The following MTARC2 variants were observed in gnomAD, a reference collection of about 807,000 sequenced individuals.
MTARC2 encodes mitochondrial amidoxime reducing component 2.
Under a neutral mutation model 35.6 loss-of-function variants are expected in MTARC2, and 27 were observed. That is an observed-to-expected ratio of 0.76 (90% confidence interval 0.56 to 1.04). The LOEUF (loss-of-function observed/expected upper bound fraction) is 1.04, where lower values mean the gene tolerates loss of function less well. Among genes scored for constraint, MTARC2 ranks in the 50% least tolerant of loss-of-function variants. The pLI is 0.00. For missense variants in MTARC2, 412 were observed against 432.5 expected, an observed-to-expected ratio of 0.95 and a Z score of 0.42; for synonymous variants, 158 against 167.1, an observed-to-expected ratio of 0.95 and a Z score of 0.42.
rs762525609 is a variant in MTARC2, at chr1:220,748,659, C to G, written c.128C>G (p.Ala43Gly). 3.8e-6 allele frequency: 6 copies of G among 1,564,220 alleles called. No individual in the cohort carries two copies. In the African/African-American group the frequency reaches 7.0e-5, roughly 18 times the overall value. Residue 43 changes from alanine to glycine, a missense_variant, in exon 1 of 8, where the codon GCA becomes GGA. Transcript: ENST00000366913. The part of the protein sequence containing the change: ...VALGTVAWRR[A>G]WPRRRRRLQQ... ...CTGGGGACTGTCGCCTGGCGCCGCG[C>G]ATGGCCCAGGCGGCGCCGGCGGCTG... is the stretch of plus-strand genomic sequence containing the variant.
chr1:220,757,943 A>G (rs956885718), intron 2 of MTARC2, among the ~76,000 whole-genome samples: 5 of 152,188 alleles, frequency 3.3e-5, no homozygotes, highest in African/African-American at 1.2e-4. Flanking sequence ...GACAAGGCTG[A>G]AGTGTTATGA....
intron 4 of MTARC2, among the ~76,000 whole-genome samples, chr1:220,766,207 C>T (rs994955668): frequency 2.0e-5 from 3 of 151,884 alleles, no homozygotes; most frequent in Non-Finnish European, 4.4e-5. Flanking sequence ...AATTTGGGGG[C>T]CCCTTTAAGA....
At chr1:220,757,520 AC>A (rs1467627141) in intron 2 of MTARC2, among the ~76,000 whole-genome samples, 2 of 152,210 alleles carry the variant, frequency 1.3e-5, no homozygotes, top group Admixed American at 1.3e-4. Context: ...GGCTTAAACA[AC>A]TGACATTTAT....
At chr1:220,783,586 G>A (rs544562400) in intron 7 of MTARC2, among the ~76,000 whole-genome samples, 2 of 152,356 alleles carry the variant, frequency 1.3e-5, no homozygotes, top group South Asian at 2.1e-4. Context: ...AGTGGATGGA[G>A]GCAACAAACA....
At chr1:220,771,702 G>C (rs1167401146) in intron 4 of MTARC2, among the ~76,000 whole-genome samples, 1 of 151,568 alleles carries the variant, frequency 6.6e-6, no homozygotes, top group African/African-American at 2.4e-5. Context: ...ATAGATTAAA[G>C]AAACGCATAA....
At chr1:220,760,200 G>A (rs183411330) in intron 2 of MTARC2, among the ~76,000 whole-genome samples, 3 of 152,282 alleles carry the variant, frequency 2.0e-5, no homozygotes, top group South Asian at 4.2e-4. Context: ...CCCTTGGAGG[G>A]AAAAACATAC....
At chr1:220,749,727 A>G (rs778619490) in intron 1 of MTARC2, among the ~76,000 whole-genome samples, 1 of 152,202 alleles carries the variant, frequency 6.6e-6, no homozygotes, top group Non-Finnish European at 1.5e-5. Flanking sequence ...CACTGTGCCC[A>G]GCCAAGATGT....
intron 4 of MTARC2, 36 bp from the exon 5 acceptor site, chr1:220,779,982 C>T (rs769385542): frequency 6.8e-7 from 1 of 1,474,432 alleles, no homozygotes; most frequent in Non-Finnish European, 9.1e-7. Context: ...GCTAATGAAG[C>T]CACCATTTAA....
intron 1 of MTARC2, among the ~76,000 whole-genome samples, chr1:220,754,052 C>G (rs915237919): frequency 4.1e-4 from 63 of 152,142 alleles, no homozygotes; most frequent in African/African-American, 1.5e-3. Context: ...CTGTCTCAAA[C>G]GAAATGAAAC....
At chr1:220,759,122 C>T (rs114653186) in intron 2 of MTARC2, among the ~76,000 whole-genome samples, 2,149 of 152,210 alleles carry the variant, frequency 0.014, 51 homozygotes, top group African/African-American at 0.049. Context: ...GTCTTAAAAA[C>T]ACTTTTTTTG....
intron 4 of MTARC2, 28 bp downstream of exon 4, chr1:220,763,078 A>G (rs182872): frequency 0.016 from 25,319 of 1,614,024 alleles, 1,030 homozygotes; most frequent in African/African-American, 0.13. Flanking sequence ...TTTGTGCATC[A>G]TGCTCAGATG....
intron 4 of MTARC2, among the ~76,000 whole-genome samples, chr1:220,779,078 G>A (rs1284239160): frequency 5.3e-5 from 8 of 152,160 alleles, no homozygotes; most frequent in East Asian, 3.9e-4. Flanking sequence ...TCTATCTTAC[G>A]TCAATTTAAT....
intron 4 of MTARC2, among the ~76,000 whole-genome samples, chr1:220,768,238 G>C (rs978954839): frequency 3.9e-5 from 6 of 152,190 alleles, no homozygotes; most frequent in African/African-American, 1.4e-4. Context: ...AGAAGTACAG[G>C]AAAGTATAGG....
chr1:220,769,529 G>T (rs1671676404), intron 4 of MTARC2, among the ~76,000 whole-genome samples: 1 of 152,138 alleles, frequency 6.6e-6, no homozygotes, highest in Non-Finnish European at 1.5e-5. Context: ...CCAGGGGTGG[G>T]AACCACTGGG....
chr1:220,766,861 A>T (rs1040128515), intron 4 of MTARC2, among the ~76,000 whole-genome samples: 6 of 62,224 alleles, frequency 9.6e-5, no homozygotes, highest in Admixed American at 8.3e-4. Flanking sequence ...ATAAAAGTAC[A>T]AAAAAAAAAA....
chr1:220,762,315 A>G (rs1245713722), intron 3 of MTARC2, among the ~76,000 whole-genome samples: 1 of 152,188 alleles, frequency 6.6e-6, no homozygotes, highest in Non-Finnish European at 1.5e-5. Context: ...TCAAATTATC[A>G]GATAATACAG....
At chr1:220,753,085 G>A (rs1475347424) in intron 1 of MTARC2, among the ~76,000 whole-genome samples, 16 of 150,844 alleles carry the variant, frequency 1.1e-4, no homozygotes, top group South Asian at 2.1e-4. Context: ...AAAATTAGCC[G>A]GGCATGGTGG....
chr1:220,749,254 C>T (rs546869848), intron 1 of MTARC2, among the ~76,000 whole-genome samples: 1 of 152,240 alleles, frequency 6.6e-6, no homozygotes, highest in African/African-American at 2.4e-5. Context: ...GCCTGATACA[C>T]TTTGATGAAG....
intron 4 of MTARC2, among the ~76,000 whole-genome samples, chr1:220,763,916 G>A (rs528838324): frequency 1.6e-4 from 25 of 152,168 alleles, no homozygotes; most frequent in South Asian, 6.2e-4. Flanking sequence ...CAGAGAAATG[G>A]TGACTGGCAT....
Sources: allele counts gnomAD v4.1 joint callset (sites outside exome capture counted in the v4.1 genomes callset), GRCh38; gene constraint gnomAD v4.1.1; transcripts MANE v1.5; gene names NCBI Gene and HGNC (gene_info 2026-07-23, HGNC 2026-07-21).